ANOS1: variants seen among roughly 807,000 people sequenced by gnomAD.
ANOS1 encodes the protein anosmin-1.
In ANOS1, 6 loss-of-function variants were observed where a neutral mutation model predicts 59.0. The ratio of observed to expected loss-of-function variants is 0.10; its 90% CI spans 0.06 to 0.20. ANOS1 has a LOEUF of 0.20. Ranked by LOEUF, ANOS1 falls within the 10% of genes least tolerant of loss-of-function variation. ANOS1 has a pLI of 1.00. For missense variants in ANOS1, 433 were observed against 542.3 expected, an observed-to-expected ratio of 0.80 and a Z score of 2.00; for synonymous variants, 217 against 223.4, an observed-to-expected ratio of 0.97 and a Z score of 0.25.
At position 8,529,929 on chromosome X, in the gene ANOS1, T is replaced by C. The variant is rs1169545500; in HGVS notation, c.*3066A>G. ...AGAACTATCCAGCCCCAAAAGTCAATAGTGTTGAGGTTGAGATGAACCTCT... is the reference window on the plus strand; with the variant it reads ...AGAACTATCCAGCCCCAAAAGTCAACAGTGTTGAGGTTGAGATGAACCTCT... On this transcript the variant is annotated 3_prime_UTR_variant, in exon 14 of 14. Coordinates refer to ENST00000262648, the MANE Select transcript of ANOS1 (RefSeq NM_000216.4). The C allele has an allele frequency of 1.8e-5, 2 of 111,579 alleles. No individual in the cohort carries two copies. Among genetic ancestry groups the C allele is most frequent in the African/African-American group, 6.5e-5 (2 of 30,657 alleles). 9.2% of individuals were successfully genotyped at this position (111,579 alleles called of 1,213,427 possible).
intron 2 of ANOS1, among the ~76,000 whole-genome samples, chrX:8,660,840 G>A (rs1340380553): frequency 9.0e-6 from 1 of 111,523 alleles, no homozygotes; most frequent in Non-Finnish European, 1.9e-5. Context: ...CCTAGAAGCT[G>A]AACAGCAAAC....
chrX:8,585,514 C>T (rs1930496396), intron 5 of ANOS1, 118 bp from the exon 6 acceptor site: 2 of 833,585 alleles, frequency 2.4e-6, no homozygotes, highest in African/African-American at 2.0e-5. Flanking sequence ...TCTGTCTTCC[C>T]CCTGATAAGA....
intron 4 of ANOS1, among the ~76,000 whole-genome samples, chrX:8,596,659 T>C (rs1470554410): frequency 8.9e-6 from 1 of 111,806 alleles, no homozygotes; most frequent in Non-Finnish European, 1.9e-5. Context: ...TTATGCATTT[T>C]TCAAGTGTGC....
chrX:8,648,755 A>T (rs1931803017), intron 2 of ANOS1, among the ~76,000 whole-genome samples: 2 of 112,193 alleles, frequency 1.8e-5, no homozygotes, highest in Admixed American at 9.5e-5. Flanking sequence ...TGCTTTCATG[A>T]ATCTCCAAAA....
At chrX:8,554,561 T>TG (rs1162207507) in intron 8 of ANOS1, among the ~76,000 whole-genome samples, 17 of 98,690 alleles carry the variant, frequency 1.7e-4, no homozygotes, top group African/African-American at 6.7e-4. Flanking sequence ...TTTTTTTTTT[T>TG]TTTTTTTTTG....
At chrX:8,626,783 C>G (rs1931402545) in intron 2 of ANOS1, among the ~76,000 whole-genome samples, 2 of 106,750 alleles carry the variant, frequency 1.9e-5, no homozygotes, top group Admixed American at 1.0e-4. Flanking sequence ...ATGGCGTGAA[C>G]CCGAGAGGCG....
At chrX:8,635,781 T>C (rs1430246455) in intron 2 of ANOS1, among the ~76,000 whole-genome samples, 1 of 111,836 alleles carries the variant, frequency 8.9e-6, no homozygotes, top group Non-Finnish European at 1.9e-5. Context: ...TGTATATCCT[T>C]CGGCAGACTA....
chrX:8,597,043 G>A lies in ANOS1; in HGVS notation c.532C>T (p.Leu178=). The part of the protein sequence containing the change: ...CGHTCQVPKT[L]YKGVPLKPRK... ...CAGTGCTGCCCCTTACCTTTGTACA[G>A]AGTCTTGGGTACTTGACAGGTGTGT... Residue 178 remains leucine, a synonymous_variant, in exon 4 of 14, where the codon CTG becomes TTG. Transcript: ENST00000262648. 1 of 1,211,742 alleles carries A rather than the reference G, an allele frequency of 8.3e-7. No individual in the cohort carries two copies. The highest frequency in any genetic ancestry group is 2.2e-5 in the Admixed American group (1 of 46,014).
At chrX:8,713,804 G>T in intron 1 of ANOS1, among the ~76,000 whole-genome samples, 1 of 109,885 alleles carries the variant, frequency 9.1e-6, no homozygotes, top group Non-Finnish European at 1.9e-5. Flanking sequence ...GTAGAGACGG[G>T]GTTTCACCAG....
rs1471237115 is a variant in ANOS1 at position 8,529,602 on chromosome X, A to G, written c.*3393T>C. 2 of 112,235 alleles carry G rather than the reference A, an allele frequency of 1.8e-5. No individual in the cohort carries two copies. The highest frequency in any genetic ancestry group is 1.9e-4 in the Admixed American group (2 of 10,569). 9.2% of individuals were successfully genotyped at this position (112,235 alleles called of 1,213,427 possible). ...ATTCCGTCTTTTAATCAAGTTGTTT[A>G]GTGGACATAAAAAACACAGTTTAGG... is the stretch of plus-strand genomic sequence containing the variant. On this transcript the variant is annotated 3_prime_UTR_variant, in exon 14 of 14. Coordinates refer to ENST00000262648, the MANE Select transcript of ANOS1 (RefSeq NM_000216.4).
intron 9 of ANOS1, among the ~76,000 whole-genome samples, chrX:8,544,991 G>A (rs1251535475): frequency 1.9e-5 from 2 of 102,664 alleles, no homozygotes; most frequent in Non-Finnish European, 2.0e-5. Flanking sequence ...ACTCAAACCC[G>A]GAAGGCAGAG....
At position 8,693,962 on chromosome X, in the gene ANOS1, T is replaced by C. The variant is rs187751315; in HGVS notation, c.255+5736A>G. On this transcript the variant is annotated intron_variant, in intron 2 of 13. Coordinates refer to ENST00000262648, the MANE Select transcript of ANOS1 (RefSeq NM_000216.4). ...TGGTCTCCATCTCCTGCCCTTGTCA[T>C]CTGCCCACCTCAGCCTCCCAAAGTG... Among the ~76,000 whole-genome samples the C allele has an allele frequency of 2.1e-4, 23 of 111,117 alleles. No homozygotes were observed. In the East Asian group the frequency reaches 2.9e-3, roughly 14 times the overall value.
chrX:8,710,120 C>T (rs891529494), intron 1 of ANOS1, among the ~76,000 whole-genome samples: 1 of 110,471 alleles, frequency 9.1e-6, no homozygotes, highest in Non-Finnish European at 1.9e-5. Context: ...TTAGTAGAGA[C>T]GGGGTTTCAC....
intron 4 of ANOS1, among the ~76,000 whole-genome samples, chrX:8,589,673 T>C (rs1930582219): frequency 8.9e-6 from 1 of 112,252 alleles, no homozygotes; most frequent in Admixed American, 9.5e-5. Flanking sequence ...GCTTGTATTG[T>C]AAACTTTTCA....
In ANOS1 at chrX:8,563,445, C is replaced by A. The variant is rs1248807570; in HGVS notation, c.1207+4787G>T. On this transcript the variant is annotated intron_variant, in intron 8 of 13. Coordinates refer to ENST00000262648, the MANE Select transcript of ANOS1 (RefSeq NM_000216.4). ...CTGCCATAATTCTAGTGTCTCCCCA[C>A]CTGGCTAAAAACTCTCACTGGTAAA... Among the ~76,000 whole-genome samples, 12 of 112,404 alleles carry A rather than the reference C, an allele frequency of 1.1e-4. No individual in the cohort carries two copies. In the Admixed American group the frequency reaches 1.1e-3, roughly 11 times the overall value.
At chrX:8,587,437 T>A (rs1281194449) in intron 5 of ANOS1, among the ~76,000 whole-genome samples, 1 of 112,071 alleles carries the variant, frequency 8.9e-6, no homozygotes, top group Non-Finnish European at 1.9e-5. Flanking sequence ...ATTTAGATTA[T>A]TAAATGTCAA....
intron 6 of ANOS1, 60 bp from the exon 7 acceptor site, chrX:8,570,764 G>T: frequency 9.8e-7 from 1 of 1,025,169 alleles, no homozygotes; most frequent in Non-Finnish European, 1.4e-6. Context: ...CTTTGGACAT[G>T]TAATGACTAC....
chrX:8,572,270 C>T (rs1364956655), intron 6 of ANOS1, among the ~76,000 whole-genome samples: 1 of 110,781 alleles, frequency 9.0e-6, no homozygotes, highest in African/African-American at 3.3e-5. Flanking sequence ...AGCTGTTCTT[C>T]CTGATGCTCT....
rs764624577 is a variant in ANOS1, at chrX:8,554,123, G to A, written c.1208-25C>T. The stretch of plus-strand genomic sequence containing the variant: ...TCTACAACAAAGTACAACATTCTAA[G>A]TTACTTGTTAAAAGTAATTATAGAT... On this transcript the variant is annotated intron_variant, in intron 8 of 13. Coordinates refer to ENST00000262648, the MANE Select transcript of ANOS1 (RefSeq NM_000216.4). The A allele has an allele frequency of 4.0e-5, 47 of 1,166,107 alleles. No homozygotes were observed. The South Asian group carries it at 8.5e-4, about 21-fold the overall frequency.
Sources: allele counts gnomAD v4.1 joint callset (sites outside exome capture counted in the v4.1 genomes callset), GRCh38; gene constraint gnomAD v4.1.1; transcripts MANE v1.5; gene names NCBI Gene and HGNC (gene_info 2026-07-23, HGNC 2026-07-21).